The following RORB variants were observed in gnomAD, a reference collection of about 807,000 sequenced individuals.
The protein encoded by RORB is nuclear receptor ROR-beta.
RORB carries 6 observed loss-of-function variants against 59.1 expected under a neutral mutation model. The observed-to-expected ratio is 0.10, with a 90% confidence interval of 0.06 to 0.20. The LOEUF (loss-of-function observed/expected upper bound fraction) is 0.20, where lower values mean the gene tolerates loss of function less well. Among genes scored for constraint, RORB ranks in the 10% least tolerant of loss-of-function variants. The pLI is 1.00. For missense variants in RORB, 320 were observed against 560.5 expected (o/e 0.57, Z 4.33); for synonymous variants, 215 against 204.5 (o/e 1.05, Z -0.44).
At chr9:74,506,781 A>G (rs139268752) in intron 1 of RORB, among the ~76,000 whole-genome samples, 1 of 152,238 alleles carries the variant, frequency 6.6e-6, no homozygotes, top group East Asian at 1.9e-4. Flanking sequence ...CCACAGAGTC[A>G]TACCTTTTAA....
At chr9:74,660,822 C>A in intron 5 of RORB, 84 bp downstream of exon 5, 1 of 1,383,654 alleles carries the variant, frequency 7.2e-7, no homozygotes, top group Non-Finnish European at 9.8e-7. Context: ...GCATGTTGCA[C>A]TGGGCAATTC....
intron 1 of RORB, among the ~76,000 whole-genome samples, chr9:74,576,492 G>T (rs1394047633): frequency 2.0e-5 from 3 of 152,038 alleles, no homozygotes. Context: ...TTTCATAGGG[G>T]ACAAAAGAGG....
intron 1 of RORB, among the ~76,000 whole-genome samples, chr9:74,511,027 C>CA (rs1443447046): frequency 2.0e-5 from 3 of 152,150 alleles, no homozygotes; most frequent in African/African-American, 7.2e-5. Context: ...AACTAAAGTA[C>CA]AAAAAAGACT....
At chr9:74,612,959 A>G (rs1303070070) in intron 1 of RORB, among the ~76,000 whole-genome samples, 1 of 152,232 alleles carries the variant, frequency 6.6e-6, no homozygotes, top group Non-Finnish European at 1.5e-5. Flanking sequence ...AACAATTACA[A>G]TGAAAACAAT....
At chr9:74,632,527 T>A (rs1823636437) in intron 2 of RORB, among the ~76,000 whole-genome samples, 1 of 152,180 alleles carries the variant, frequency 6.6e-6, no homozygotes, top group Admixed American at 6.5e-5. Flanking sequence ...CTTGTGCACT[T>A]ATTCAAATTT....
chr9:74,497,692 G>A lies in RORB; in HGVS notation c.-285G>A. 1 of 496,526 alleles carries A rather than the reference G, an allele frequency of 2.0e-6. No homozygotes were observed. The highest frequency in any genetic ancestry group is 3.3e-5 in the Admixed American group (1 of 30,208). 30.8% of individuals were successfully genotyped at this position (496,526 alleles called of 1,614,324 possible). A position where few individuals can be genotyped will look rare whatever the true frequency, so the allele number is the denominator to read the frequency against. ...AAAAACAAAACCAAAACAAAACCCA[G>A]GCACCAGACAGCCAGAACATTTTTT... On this transcript the variant is annotated 5_prime_UTR_variant, in exon 1 of 10. Coordinates refer to ENST00000376896, the MANE Select transcript of RORB (RefSeq NM_006914.4).
intron 1 of RORB, among the ~76,000 whole-genome samples, chr9:74,546,860 G>A (rs899515027): frequency 6.6e-6 from 1 of 152,132 alleles, no homozygotes. Context: ...AGTGAAGACA[G>A]AAGAATATCA....
chr9:74,540,688 G>A (rs1402186180), intron 1 of RORB, among the ~76,000 whole-genome samples: 3 of 151,606 alleles, frequency 2.0e-5, no homozygotes, highest in Non-Finnish European at 4.4e-5. Flanking sequence ...TTGAATAGAT[G>A]TACTATATTT....
intron 1 of RORB, among the ~76,000 whole-genome samples, chr9:74,522,096 A>G (rs1335661503): frequency 1.3e-5 from 2 of 151,944 alleles, no homozygotes; most frequent in East Asian, 1.9e-4. Context: ...AAAGCAGAAG[A>G]TGGATGGATT....
At chr9:74,601,748 T>A (rs547175373) in intron 1 of RORB, among the ~76,000 whole-genome samples, 82 of 152,224 alleles carry the variant, frequency 5.4e-4, no homozygotes, top group African/African-American at 1.9e-3. Context: ...GCAAAAGAAA[T>A]AAGGAGTTGT....
chr9:74,615,580 C>T, intron 1 of RORB: 1 of 453,678 alleles, frequency 2.2e-6, no homozygotes, highest in Non-Finnish European at 4.4e-6. Context: ...TTCAGTTAGA[C>T]TTTTAATTGC....
chr9:74,686,040 G>C lies in RORB; in HGVS notation c.*422G>C, dbSNP rs1303846392. The C allele has an allele frequency of 1.3e-5, 2 of 153,432 alleles. No homozygotes were observed. Among genetic ancestry groups the C allele is most frequent in the Non-Finnish European group, 2.9e-5 (2 of 68,662 alleles). 9.5% of individuals were successfully genotyped at this position (153,432 alleles called of 1,614,324 possible). A position where few individuals can be genotyped will look rare whatever the true frequency, so the allele number is the denominator to read the frequency against. ...CCTATTTCTATGTTTTTAGGTAGTTGATGCATGTGTAAATTTGTAGCTGTC... is the reference window on the plus strand; with the variant it reads ...CCTATTTCTATGTTTTTAGGTAGTTCATGCATGTGTAAATTTGTAGCTGTC... On this transcript the variant is annotated 3_prime_UTR_variant, in exon 10 of 10. Coordinates refer to ENST00000376896, the MANE Select transcript of RORB (RefSeq NM_006914.4).
Position 74,630,028 on chromosome 9 carries a change from T to C in RORB, c.8-254T>C, listed in dbSNP as rs189222494. Among the ~76,000 whole-genome samples, 50 of 152,326 alleles carry C rather than the reference T, an allele frequency of 3.3e-4. 1 individual carries two copies. Among genetic ancestry groups the C allele is most frequent in the African/African-American group, 1.1e-3 (46 of 41,578 alleles). On this transcript the variant is annotated intron_variant, in intron 1 of 9. Transcript: ENST00000376896. The stretch of plus-strand genomic sequence containing the variant: ...GGAGAAAACAGTGAATGCAAGACTT[T>C]GGAAAACTGGTTTCTGGTTGTATTT...
chr9:74,535,310 A>C (rs1482404240), intron 1 of RORB, among the ~76,000 whole-genome samples: 1 of 152,074 alleles, frequency 6.6e-6, no homozygotes, highest in Non-Finnish European at 1.5e-5. Context: ...CATTGAATAA[A>C]GACTAAGCAG....
intron 1 of RORB, 139 bp downstream of exon 1, chr9:74,498,122 G>A: frequency 1.1e-6 from 1 of 952,094 alleles, no homozygotes. Flanking sequence ...TCTCGCAGGT[G>A]GGGCTGCAAA....
intron 9 of RORB, among the ~76,000 whole-genome samples, chr9:74,677,473 G>A (rs776511714): frequency 3.9e-5 from 6 of 152,198 alleles, no homozygotes; most frequent in African/African-American, 1.2e-4. Context: ...ATATAAAATA[G>A]ATTATAAAAT....
chr9:74,608,288 G>A (rs1283745524), intron 1 of RORB, among the ~76,000 whole-genome samples: 3 of 152,062 alleles, frequency 2.0e-5, no homozygotes, highest in African/African-American at 2.4e-5. Context: ...TTTCTGGGCC[G>A]GGAGCGGTGG....
In RORB at chr9:74,549,380, G is replaced by T. The variant is rs567937035; in HGVS notation, c.7+51397G>T. On this transcript the variant is annotated intron_variant, in intron 1 of 9. Transcript: ENST00000376896. ...AATCGCTTGAACCCAGGAGGCGGAG[G>T]TTGCAGTGAGCCGAGGTCGCATCAC... is the stretch of plus-strand genomic sequence containing the variant. 5.4e-3 allele frequency among the ~76,000 whole-genome samples: 806 copies of T among 149,766 alleles called. 10 individuals are homozygous for T. Among genetic ancestry groups the T allele is most frequent in the African/African-American group, 0.019 (762 of 40,418 alleles).
chr9:74,534,078 A>C (rs918955916), intron 1 of RORB, among the ~76,000 whole-genome samples: 2 of 151,940 alleles, frequency 1.3e-5, no homozygotes, highest in African/African-American at 2.4e-5. Flanking sequence ...ACTTTTCTGA[A>C]GCTGTTCCTT....
Sources: allele counts gnomAD v4.1 joint callset (sites outside exome capture counted in the v4.1 genomes callset), GRCh38; gene constraint gnomAD v4.1.1; transcripts MANE v1.5; gene names NCBI Gene and HGNC (gene_info 2026-07-23, HGNC 2026-07-21).